The following CCDC62 variants were observed in gnomAD, a reference collection of about 807,000 sequenced individuals.
The protein encoded by CCDC62 is coiled-coil domain-containing protein 62.
CCDC62 carries 72 observed loss-of-function variants against 80.8 expected under a neutral mutation model. That is an observed-to-expected ratio of 0.89 (90% CI 0.74 to 1.08). The LOEUF (loss-of-function observed/expected upper bound fraction) is 1.08, where lower values mean the gene tolerates loss of function less well. Among genes scored for constraint, CCDC62 ranks in the 50% least tolerant of loss-of-function variants. CCDC62 has a pLI of 0.00. For missense variants in CCDC62, 704 were observed against 809.4 expected (o/e 0.87, Z 1.58); for synonymous variants, 286 against 296.5 (o/e 0.96, Z 0.36).
At position 122,823,410 on chromosome 12, in the gene CCDC62, C is replaced by T; in HGVS notation, c.2046C>T (p.Val682=). The T allele has an allele frequency of 6.2e-7, 1 of 1,612,942 alleles. No individual in the cohort carries two copies. Among genetic ancestry groups the T allele is most frequent in the Non-Finnish European group, 8.5e-7 (1 of 1,178,984 alleles). The change falls in exon 12 of 13, where the codon GTC becomes GTT. Residue 682 remains valine, a synonymous_variant. Coordinates refer to ENST00000253079, the MANE Select transcript of CCDC62 (RefSeq NM_201435.5). The part of the protein sequence containing the change: ...PEESAQKNTF[V]SY Reference sequence around the variant, plus strand: ...AGTCAGCTCAAAAAAATACCTTTGTCAGTTATTGAAGGAAACAAAAGGCAA... The same window carrying T: ...AGTCAGCTCAAAAAAATACCTTTGTTAGTTATTGAAGGAAACAAAAGGCAA...
At chr12:122,807,788 A>G (rs952335457) in intron 10 of CCDC62, among the ~76,000 whole-genome samples, 1 of 152,128 alleles carries the variant, frequency 6.6e-6, no homozygotes, top group Admixed American at 6.6e-5. Flanking sequence ...TTCCCAGACA[A>G]TCACTCACTA....
chr12:122,793,055 C>G (rs1171639654), intron 6 of CCDC62, among the ~76,000 whole-genome samples: 2 of 152,128 alleles, frequency 1.3e-5, no homozygotes, highest in African/African-American at 4.8e-5. Context: ...TGAAGCCAAC[C>G]CAGCCACCAG....
intron 8 of CCDC62, among the ~76,000 whole-genome samples, chr12:122,800,418 A>T: frequency 6.7e-6 from 1 of 149,514 alleles, no homozygotes; most frequent in Non-Finnish European, 1.5e-5. Context: ...CTGTCTCTAT[A>T]AAAAAAAAAT....
At chr12:122,787,950 A>T (rs2030371687) in intron 4 of CCDC62, among the ~76,000 whole-genome samples, 1 of 152,022 alleles carries the variant, frequency 6.6e-6, no homozygotes. Flanking sequence ...TAGAACGGTT[A>T]TTTTTTGCTA....
chr12:122,781,357 A>G, intron 3 of CCDC62, 27 bp downstream of exon 3: 1 of 1,599,120 alleles, frequency 6.3e-7, no homozygotes, highest in Non-Finnish European at 8.6e-7. Flanking sequence ...GATAAGCTTC[A>G]CTAGTCCAAA....
At chr12:122,807,631 C>T (rs1005395459) in intron 10 of CCDC62, among the ~76,000 whole-genome samples, 4 of 151,766 alleles carry the variant, frequency 2.6e-5, no homozygotes, top group Admixed American at 6.6e-5. Context: ...ATTACAGGCA[C>T]AAGGCACTGT....
At chr12:122,814,279 CA>C (rs1242349597) in intron 11 of CCDC62, among the ~76,000 whole-genome samples, 9 of 119,548 alleles carry the variant, frequency 7.5e-5, no homozygotes, top group Admixed American at 1.9e-4. Flanking sequence ...AGCTCCACCT[CA>C]AAAAAAAAAA....
At chr12:122,791,168 T>C (rs922755980) in intron 5 of CCDC62, among the ~76,000 whole-genome samples, 5 of 152,090 alleles carry the variant, frequency 3.3e-5, no homozygotes, top group African/African-American at 1.2e-4. Flanking sequence ...GAGACAGAAT[T>C]TCACTCTTGT....
chr12:122,824,708 A>G (rs1408052265), intron 12 of CCDC62, among the ~76,000 whole-genome samples: 1 of 152,226 alleles, frequency 6.6e-6, no homozygotes, highest in Non-Finnish European at 1.5e-5. Context: ...ACTTGTACAC[A>G]CATGTTTATA....
chr12:122,793,413 T>C (rs982506814), intron 6 of CCDC62, among the ~76,000 whole-genome samples: 1 of 151,954 alleles, frequency 6.6e-6, no homozygotes, highest in Non-Finnish European at 1.5e-5. Context: ...GTCAACAAGC[T>C]CTCTATGTCA....
intron 11 of CCDC62, among the ~76,000 whole-genome samples, chr12:122,815,094 T>G (rs1049581582): frequency 1.3e-4 from 19 of 151,736 alleles, no homozygotes; most frequent in African/African-American, 4.4e-4. Context: ...ATGCTCAGCT[T>G]ATTTATTTGT....
chr12:122,775,434 G>A (rs150251842), intron 1 of CCDC62, among the ~76,000 whole-genome samples: 26 of 152,288 alleles, frequency 1.7e-4, no homozygotes, highest in Non-Finnish European at 3.4e-4. Context: ...TCCTGGAGTG[G>A]AATATGTGCT....
At chr12:122,777,270 C>T (rs1385705305) in intron 1 of CCDC62, 5 of 469,980 alleles carry the variant, frequency 1.1e-5, no homozygotes, top group South Asian at 2.7e-5. Flanking sequence ...AGGCATGGTA[C>T]GTATGGCATG....
intron 11 of CCDC62, among the ~76,000 whole-genome samples, chr12:122,814,004 G>A (rs979577314): frequency 5.9e-5 from 9 of 151,686 alleles, no homozygotes; most frequent in African/African-American, 1.9e-4. Context: ...TTTCAAGGCC[G>A]GGCGTGGTGG....
intron 10 of CCDC62, among the ~76,000 whole-genome samples, 169 bp downstream of exon 10, chr12:122,806,464 T>C (rs1004402188): frequency 6.6e-6 from 1 of 151,928 alleles, no homozygotes; most frequent in African/African-American, 2.4e-5. Flanking sequence ...AATCCTTTTA[T>C]TTATTTTATT....
At chr12:122,814,564 T>C (rs1471280694) in intron 11 of CCDC62, among the ~76,000 whole-genome samples, 2 of 150,146 alleles carry the variant, frequency 1.3e-5, no homozygotes, top group Non-Finnish European at 1.5e-5. Flanking sequence ...TGGGGTGCAA[T>C]GGCACGATCT....
chr12:122,800,044 C>T (rs1593805546), intron 8 of CCDC62, among the ~76,000 whole-genome samples: 1 of 151,884 alleles, frequency 6.6e-6, no homozygotes. Flanking sequence ...CCCAGGCTGG[C>T]ATGCAGTGGT....
At position 122,777,724 on chromosome 12, in the gene CCDC62, G is replaced by A. The variant is rs368919262; in HGVS notation, c.229+41G>A. 9.7e-6 allele frequency: 15 copies of A among 1,552,290 alleles called. No individual in the cohort carries two copies. In the African/African-American group the frequency reaches 1.5e-4, roughly 15 times the overall value. On this transcript the variant is annotated intron_variant, in intron 2 of 12. Coordinates refer to ENST00000253079, the MANE Select transcript of CCDC62 (RefSeq NM_201435.5). ...AGGGACAACAGTTATGCACTTCTGTGTGCTAACACATTGATGGGCTCATAG... is the reference window on the plus strand; with the variant it reads ...AGGGACAACAGTTATGCACTTCTGTATGCTAACACATTGATGGGCTCATAG...
chr12:122,801,751 G>A lies in CCDC62; in HGVS notation c.1605G>A (p.Met535Ile), dbSNP rs772662041. ...APGHMSDVEWMSIFKPSKMQR... is the reference protein window; with the variant it reads ...APGHMSDVEWISIFKPSKMQR... Reference sequence around the variant, plus strand: ...GCCACATGTCTGACGTGGAGTGGATGAGTATTTTCAAGCCTTCCAAAATGC... The same window carrying A: ...GCCACATGTCTGACGTGGAGTGGATAAGTATTTTCAAGCCTTCCAAAATGC... The change falls in exon 9 of 13, where the codon ATG becomes ATA. Residue 535 changes from methionine (M) to isoleucine (I), a missense_variant. Physicochemically the swap from Met to Ile is conservative, Grantham distance 10 (BLOSUM62 1). Coordinates refer to ENST00000253079, the MANE Select transcript of CCDC62 (RefSeq NM_201435.5). The A allele has an allele frequency of 6.2e-7, 1 of 1,614,206 alleles. No homozygotes were observed. The highest frequency in any genetic ancestry group is 1.1e-5 in the South Asian group (1 of 91,088).
Sources: gnomAD v4.1 joint callset for allele counts (sites outside exome capture counted in the v4.1 genomes callset) on GRCh38, gnomAD v4.1.1 for gene constraint, MANE v1.5 for transcripts, NCBI Gene and HGNC (gene_info 2026-07-23, HGNC 2026-07-21) for gene names.